Variants in PALM observed in about 807,000 individuals in gnomAD.
PALM encodes the protein paralemmin-1.
A neutral mutation model predicts 30.7 loss-of-function variants in PALM; 18 were observed. That is an observed-to-expected ratio of 0.59 (90% CI 0.41 to 0.87). The LOEUF (loss-of-function observed/expected upper bound fraction) is 0.87, where lower values mean the gene tolerates loss of function less well. PALM is among the 40% of genes least tolerant of loss of function. PALM has a pLI of 0.00. For synonymous variants in PALM, 286 were observed against 242.8 expected (o/e 1.18, Z -1.66); for missense variants, 529 against 555.4 (o/e 0.95, Z 0.48).
rs1419074047 is a variant in PALM, at chr19:746,144, G to T, written c.635-141G>T. On this transcript the variant is annotated intron_variant, in intron 8 of 8. Transcript: ENST00000338448. This position sits in a 1 kb window ranked among gnomAD's most constrained non-coding sequence, Gnocchi z 7.1. The stretch of plus-strand genomic sequence containing the variant: ...CTTTAATTGTCTGTCAGTTCTGACG[G>T]TGTAATCTAGTTCGTGATTTCCTCT... The T allele has an allele frequency of 3.1e-6, 2 of 640,434 alleles. No individual in the cohort carries two copies. The highest frequency in any genetic ancestry group is 2.7e-6 in the Non-Finnish European group (1 of 365,354). 39.7% of individuals were successfully genotyped at this position (640,434 alleles called of 1,614,324 possible).
At chr19:725,613 G>A (rs916170747) in intron 1 of PALM, among the ~76,000 whole-genome samples, 3 of 152,176 alleles carry the variant, frequency 2.0e-5, no homozygotes, top group East Asian at 1.9e-4. Flanking sequence ...GGTTGAATCC[G>A]GACTTGGATC....
At chr19:712,136 C>T (rs2032099500) in intron 1 of PALM, among the ~76,000 whole-genome samples, 1 of 152,124 alleles carries the variant, frequency 6.6e-6, no homozygotes, top group Non-Finnish European at 1.5e-5. Context: ...AATTCTCCTA[C>T]CTCAGCCTCC....
In PALM at chr19:709,610, ACGCGCGCGCG is replaced by A. The variant is rs2032003297; in HGVS notation, c.5+460_5+469del. Among the ~76,000 whole-genome samples the A allele has an allele frequency of 6.7e-6, 1 of 150,074 alleles. No individual in the cohort carries two copies. The highest frequency in any genetic ancestry group is 2.5e-5 in the African/African-American group (1 of 40,736). Reference sequence around the variant, plus strand: ...GAGCGCACGGCTCCTGGCGCCCTGGACGCGCGCGCGGGCCGGTGCCCCCCACCCCCGCCCT... The same window carrying A: ...GAGCGCACGGCTCCTGGCGCCCTGGAGGCCGGTGCCCCCCACCCCCGCCCT... On this transcript the variant is annotated intron_variant, in intron 1 of 8. Transcript: ENST00000338448. The surrounding 1 kb of genome is among the most constrained non-coding windows in gnomAD (Gnocchi z 4.3).
At chr19:730,644 G>A (rs1396636825) in intron 4 of PALM, among the ~76,000 whole-genome samples, 6 of 152,174 alleles carry the variant, frequency 3.9e-5, no homozygotes, top group Non-Finnish European at 8.8e-5. Context: ...TGCACTCCGT[G>A]CCTCAGTTTC....
rs142636705 is a variant in PALM, at chr19:746,308, G to A, written c.658G>A (p.Ala220Thr). ...AGTGGTCCATGCTGTGGACGGCACC[G>A]CCGAGAACGGGATCCACCCCCTGAG... is the stretch of plus-strand genomic sequence containing the variant. ...TKVVHAVDGT[A>T]ENGIHPLSSS... The change falls in exon 9 of 9, where the codon GCC (alanine) becomes ACC (threonine). Residue 220 changes from alanine (A) to threonine (T), a missense_variant. By Grantham distance (58) the Ala-to-Thr change is moderately conservative. Transcript: ENST00000338448. The surrounding 1 kb of genome is among the most constrained non-coding windows in gnomAD (Gnocchi z 7.1). 3.7e-5 allele frequency: 59 copies of A among 1,613,256 alleles called. No individual in the cohort carries two copies. In the Middle Eastern group the frequency reaches 9.9e-4, roughly 27 times the overall value.
chr19:730,903 A>G (rs904460530), intron 4 of PALM, among the ~76,000 whole-genome samples, 192 bp from the exon 5 acceptor site: 11 of 152,060 alleles, frequency 7.2e-5, no homozygotes, highest in African/African-American at 1.9e-4. Context: ...CGAGACCCTG[A>G]GGCAGGAGGA....
Position 719,301 on chromosome 19 carries a change from G to C in PALM, c.6-6837G>C, listed in dbSNP as rs535508794. Reference sequence around the variant, plus strand: ...CCTTCCAACACCAACGCCCCGCACCGCGGAGGCCTCTGCGGGGCTCCCGTC... The same window carrying C: ...CCTTCCAACACCAACGCCCCGCACCCCGGAGGCCTCTGCGGGGCTCCCGTC... On this transcript the variant is annotated intron_variant, in intron 1 of 8. Coordinates refer to ENST00000338448, the MANE Select transcript of PALM (RefSeq NM_002579.3). 1.7e-5 allele frequency: 17 copies of C among 985,338 alleles called. No individual in the cohort carries two copies. In the African/African-American group the frequency reaches 2.8e-4, roughly 16 times the overall value. 61.0% of individuals were successfully genotyped at this position (985,338 alleles called of 1,614,324 possible).
intron 2 of PALM, 34 bp downstream of exon 2, chr19:726,223 A>G (rs1369817521): frequency 1.3e-6 from 2 of 1,599,784 alleles, no homozygotes; most frequent in South Asian, 2.2e-5. Flanking sequence ...CGGTGTGGTC[A>G]GGGTGGGGAA....
chr19:744,736 A>G (rs1160597153), intron 8 of PALM, among the ~76,000 whole-genome samples: 36 of 141,624 alleles, frequency 2.5e-4, no homozygotes, highest in South Asian at 9.2e-4. Flanking sequence ...TCTACTAAAA[A>G]TACAAAAATC....
rs528287507 is a variant in PALM at position 735,922 on chromosome 19, G to A, written c.443-97G>A. The stretch of plus-strand genomic sequence containing the variant: ...AAGGCCCAGGTGCATGTGGGAGTCC[G>A]GATGCACTTCTGTGAAGGGGCGTTG... On this transcript the variant is annotated intron_variant, in intron 6 of 8. Coordinates refer to ENST00000338448, the MANE Select transcript of PALM (RefSeq NM_002579.3). 78 of 984,694 alleles carry A rather than the reference G, an allele frequency of 7.9e-5. 1 individual carries two copies. The South Asian group carries it at 8.0e-4, about 10-fold the overall frequency. 61.0% of individuals were successfully genotyped at this position (984,694 alleles called of 1,614,324 possible).
At chr19:720,096 G>A (rs1344992158) in intron 1 of PALM, among the ~76,000 whole-genome samples, 22 of 151,976 alleles carry the variant, frequency 1.4e-4, no homozygotes, top group Admixed American at 1.4e-3. Context: ...GCAGCGCGGG[G>A]GAGAAATTCC....
intron 7 of PALM, among the ~76,000 whole-genome samples, chr19:737,244 T>C (rs945647361): frequency 1.3e-5 from 2 of 152,144 alleles, no homozygotes; most frequent in African/African-American, 4.8e-5. Context: ...TCTGTGCCAG[T>C]GAGACCAGCC....
chr19:713,904 CTTTCTT>C (rs2032166539), intron 1 of PALM, among the ~76,000 whole-genome samples: 2 of 120,170 alleles, frequency 1.7e-5, no homozygotes. Context: ...TTCTTTCTTT[CTTTCTT>C]TTTTTTTTTT....
intron 1 of PALM, among the ~76,000 whole-genome samples, chr19:722,010 C>G (rs1156424417): frequency 1.3e-5 from 2 of 152,202 alleles, no homozygotes; most frequent in Non-Finnish European, 1.5e-5. Flanking sequence ...GCTCCGCCTT[C>G]CGGGTTCACG....
At position 738,691 on chromosome 19, in the gene PALM, C is replaced by T. The variant is rs530985256; in HGVS notation, c.503-1661C>T. Among the ~76,000 whole-genome samples the T allele has an allele frequency of 2.6e-5, 4 of 152,092 alleles. No homozygotes were observed. The East Asian group carries it at 7.7e-4, about 29-fold the overall frequency. On this transcript the variant is annotated intron_variant, in intron 7 of 8. Transcript: ENST00000338448. ...CAAGGTCCAGGTGGGGATGGGTGTG[C>T]GGGAGATTAGAGCCGAGTGCCTGGG...
At chr19:731,030 C>T (rs2032854196) in intron 4 of PALM, 65 bp from the exon 5 acceptor site, 2 of 1,079,958 alleles carry the variant, frequency 1.9e-6, no homozygotes, top group East Asian at 5.3e-5. Flanking sequence ...AGCTGTCGTA[C>T]AGAAGGTGCC....
intron 4 of PALM, among the ~76,000 whole-genome samples, chr19:728,037 G>A (rs2032747996): frequency 8.0e-6 from 1 of 125,120 alleles, no homozygotes; most frequent in Non-Finnish European, 1.6e-5. Flanking sequence ...GTGACGTCGA[G>A]CTCGTGGGTC....
In PALM at chr19:726,993, C is replaced by CCGCCCCCCCCCCA; in HGVS notation, c.58-15_58-14insCGCCCCCCCCCCA. On this transcript the variant is annotated splice_polypyrimidine_tract_variant and intron_variant, in intron 2 of 8. Coordinates refer to ENST00000338448, the MANE Select transcript of PALM (RefSeq NM_002579.3). ...CCCCACGCCCATCCCTGACCCCACCCGGCCCTCCCCACAGGAGAAGCGGAA... is the reference window on the plus strand; with the variant it reads ...CCCCACGCCCATCCCTGACCCCACCCCGCCCCCCCCCCAGGCCCTCCCCACAGGAGAAGCGGAA... 7.6e-7 allele frequency: 1 copy of CCGCCCCCCCCCCA among 1,311,618 alleles called. No individual in the cohort carries two copies. The allele number at this position is 1,311,618 out of a possible 1,614,324, so 81.2% of individuals were successfully genotyped here.
chr19:726,963 G>C, intron 2 of PALM, 45 bp from the exon 3 acceptor site: 6 of 1,177,864 alleles, frequency 5.1e-6, no homozygotes, highest in East Asian at 2.7e-5. Context: ...GGGGGTCTCC[G>C]GGACCCCCAC....
Sources: gnomAD v4.1 joint callset for allele counts (sites outside exome capture counted in the v4.1 genomes callset) on GRCh38, gnomAD v4.1.1 for gene constraint, Gnocchi (gnomAD v3.1) non-coding constraint, MANE v1.5 for transcripts, NCBI Gene and HGNC (gene_info 2026-07-23, HGNC 2026-07-21) for gene names.